Variants in ZNF768 observed in about 807,000 individuals in gnomAD.
ZNF768 encodes zinc finger protein 768.
In ZNF768, 12 loss-of-function variants were observed where a neutral mutation model predicts 39.7. The ratio of observed to expected loss-of-function variants is 0.30; its 90% CI spans 0.19 to 0.49. The LOEUF (loss-of-function observed/expected upper bound fraction) is 0.49, where lower values mean the gene tolerates loss of function less well. Ranked by LOEUF, ZNF768 falls within the 20% of genes least tolerant of loss-of-function variation. The pLI, the probability that ZNF768 is intolerant of heterozygous loss-of-function variation, is 0.99. For synonymous variants in ZNF768, 360 were observed against 288.4 expected (o/e 1.25, Z -2.52); for missense variants, 613 against 723.2 (o/e 0.85, Z 1.75).
chr16:30,524,321 G>T lies in ZNF768; in HGVS notation c.*196C>A. ...TCCATTTCTCCCAGGGCCTCCCGCT[G>T]CCGGCCTGGCCTCCCTCCAACCCAC... On this transcript the variant is annotated 3_prime_UTR_variant, in exon 2 of 2. Coordinates refer to ENST00000380412, the MANE Select transcript of ZNF768 (RefSeq NM_024671.4). 3 of 886,730 alleles carry T rather than the reference G, an allele frequency of 3.4e-6. No homozygotes were observed. Among genetic ancestry groups the T allele is most frequent in the Non-Finnish European group, 4.9e-6 (3 of 616,162 alleles). The allele number at this position is 886,730 out of a possible 1,614,324, so 54.9% of individuals were successfully genotyped here.
In ZNF768 at chr16:30,524,778, G is replaced by A. The variant is rs765080789; in HGVS notation, c.1362C>T (p.Gly454=). The part of the protein sequence containing the change: ...LAIHARTHLP[G]RTYSCPDCGK... The stretch of plus-strand genomic sequence containing the variant: ...CGCAGTCGGGGCAGCTGTAGGTGCG[G>A]CCTGGCAGGTGGGTGCGGGCGTGGA... The change falls in exon 2 of 2, where the codon GGC becomes GGT. Residue 454 remains glycine, a synonymous_variant. Transcript: ENST00000380412. 2.5e-6 allele frequency: 4 copies of A among 1,611,594 alleles called. No homozygotes were observed. The South Asian group carries it at 3.3e-5, about 13-fold the overall frequency.
At chr16:30,529,605 A>G (rs2051353170), upstream of ZNF768, among the ~76,000 whole-genome samples, 1 of 152,238 alleles carries the variant, frequency 6.6e-6, no homozygotes. Context: ...GCCACGGCAC[A>G]GGGCCCTTTG....
At position 30,524,297 on chromosome 16, in the gene ZNF768, C is replaced by T. The variant is rs934385940; in HGVS notation, c.*220G>A. On this transcript the variant is annotated 3_prime_UTR_variant, in exon 2 of 2. Coordinates refer to ENST00000380412, the MANE Select transcript of ZNF768 (RefSeq NM_024671.4). ...AGGCCAGCCCTCCGCTGACCTCTCT[C>T]CATTTCTCCCAGGGCCTCCCGCTGC... 2.4e-5 allele frequency: 18 copies of T among 736,228 alleles called. No individual in the cohort carries two copies. Among genetic ancestry groups the T allele is most frequent in the Admixed American group, 9.9e-5 (3 of 30,446 alleles). 45.6% of individuals were successfully genotyped at this position (736,228 alleles called of 1,614,324 possible).
In ZNF768 at chr16:30,526,041, A is replaced by C; in HGVS notation, c.99T>G (p.Ser33Arg). ...SPEGYLRGNM[S>R]ENEEEEISQQ... ...GAGAAATTTCCTCTTCCTCATTCTC[A>C]CTCATGTTGCCTGCAGGATGAGAGA... is the stretch of plus-strand genomic sequence containing the variant. Residue 33 changes from serine to arginine, a missense_variant, in exon 2 of 2, where the codon AGT becomes AGG. Transcript: ENST00000380412. 1 of 1,491,920 alleles carries C rather than the reference A, an allele frequency of 6.7e-7. No individual in the cohort carries two copies. Among genetic ancestry groups the C allele is most frequent in the Admixed American group, 2.5e-5 (1 of 39,724 alleles). The allele number at this position is 1,491,920 out of a possible 1,614,324, so 92.4% of individuals were successfully genotyped here.
At chr16:30,530,582 T>G (rs2051361030), upstream of ZNF768, 1 of 152,160 alleles carries the variant, frequency 6.6e-6, no homozygotes, top group Admixed American at 6.5e-5. The surrounding 1 kb of genome is among the most constrained non-coding windows in gnomAD (Gnocchi z 4.4). Context: ...GCCCCTGTGA[T>G]AAAGTGACAC....
Position 30,525,783 on chromosome 16 carries a change from A to G in ZNF768, c.357T>C (p.Pro119=), listed in dbSNP as rs770389471. The change falls in exon 2 of 2, where the codon CCT becomes CCC. Residue 119 remains proline, a synonymous_variant. Transcript: ENST00000380412. The stretch of plus-strand genomic sequence containing the variant: ...AGCCAGGGCTTTGGGGTTCATACCT[A>G]GGGCTCTGGGATTCAAACTCAGGGC... ...SQSPEFESQS[P]RYEPQSPGYE... 1 of 1,571,700 alleles carries G rather than the reference A, an allele frequency of 6.4e-7. No homozygotes were observed. The highest frequency in any genetic ancestry group is 2.0e-5 in the Admixed American group (1 of 50,962).
At chr16:30,529,544 GGA>G (rs1219194174), upstream of ZNF768, among the ~76,000 whole-genome samples, 1 of 152,210 alleles carries the variant, frequency 6.6e-6, no homozygotes, top group Admixed American at 6.5e-5. Flanking sequence ...CGATGCTAGA[GGA>G]GATGCCCCAG....
chr16:30,527,265 C>G (rs1371446504), upstream of ZNF768: 3 of 985,968 alleles, frequency 3.0e-6, no homozygotes, highest in Non-Finnish European at 3.6e-6. Context: ...CTCCCCGGCA[C>G]CTGCGCGCGC....
At chr16:30,531,540 C>T (rs961113497), upstream of ZNF768, 1 of 152,276 alleles carries the variant, frequency 6.6e-6, no homozygotes, top group Non-Finnish European at 1.5e-5. Flanking sequence ...GTAATCCCAG[C>T]ACTTTGGGAG....
upstream of ZNF768, chr16:30,526,804 C>A: frequency 1.1e-6 from 1 of 916,814 alleles, no homozygotes; most frequent in Non-Finnish European, 1.3e-6. Context: ...CCCCCCCACC[C>A]TCCCCCGCAC....
upstream of ZNF768, chr16:30,527,062 G>A: frequency 1.0e-6 from 1 of 985,450 alleles, no homozygotes; most frequent in Non-Finnish European, 1.2e-6. Context: ...GGTGCGTGTG[G>A]CCAAGGGCGA....
rs1201800476 is a variant in ZNF768, at chr16:30,524,305, C to T, written c.*212G>A. Reference sequence around the variant, plus strand: ...CCTCCGCTGACCTCTCTCCATTTCTCCCAGGGCCTCCCGCTGCCGGCCTGG... The same window carrying T: ...CCTCCGCTGACCTCTCTCCATTTCTTCCAGGGCCTCCCGCTGCCGGCCTGG... On this transcript the variant is annotated 3_prime_UTR_variant, in exon 2 of 2. Transcript: ENST00000380412. 1 of 790,358 alleles carries T rather than the reference C, an allele frequency of 1.3e-6. No homozygotes were observed. The highest frequency in any genetic ancestry group is 1.9e-6 in the Non-Finnish European group (1 of 524,662). The allele number at this position is 790,358 out of a possible 1,614,324, so 49.0% of individuals were successfully genotyped here. A position where few individuals can be genotyped will look rare whatever the true frequency, so the allele number is the denominator to read the frequency against.
At position 30,524,715 on chromosome 16, in the gene ZNF768, G is replaced by A. The variant is rs1479035769; in HGVS notation, c.1425C>T (p.His475=). 1 of 1,613,208 alleles carries A rather than the reference G, an allele frequency of 6.2e-7. No homozygotes were observed. Among genetic ancestry groups the A allele is most frequent in the Admixed American group, 1.7e-5 (1 of 59,964 alleles). The change falls in exon 2 of 2, where the codon CAC becomes CAT. Residue 475 remains histidine (H), a synonymous_variant. Coordinates refer to ENST00000380412, the MANE Select transcript of ZNF768 (RefSeq NM_024671.4). Reference sequence around the variant, plus strand: ...GCCGCTCGCCCGTGTGGGAGCGCTGGTGCTGGATGAGAGTGGAGGAGCGAT... The same window carrying A: ...GCCGCTCGCCCGTGTGGGAGCGCTGATGCTGGATGAGAGTGGAGGAGCGAT... ...TFNRSSTLIQ[H]QRSHTGERPY... is the part of the protein sequence containing the mutation.
upstream of ZNF768, chr16:30,530,911 G>T (rs1315572995): frequency 6.6e-6 from 1 of 152,322 alleles, no homozygotes; most frequent in African/African-American, 2.4e-5. The surrounding 1 kb of genome is among the most constrained non-coding windows in gnomAD (Gnocchi z 4.4). Flanking sequence ...AAAGGAATTA[G>T]TGGTAGCTGG....
Position 30,526,562 on chromosome 16 carries a change from C to T in ZNF768, c.-149G>A, listed in dbSNP as rs1255942496. 4 of 1,055,774 alleles carry T rather than the reference C, an allele frequency of 3.8e-6. No individual in the cohort carries two copies. The highest frequency in any genetic ancestry group is 4.5e-5 in the South Asian group (1 of 22,190). 65.4% of individuals were successfully genotyped at this position (1,055,774 alleles called of 1,614,324 possible). Reference sequence around the variant, plus strand: ...CCCAGCCCGGGCCCCCGAGGCCGGACGTCTTGACCCCGCGCCTCTCCAGCG... The same window carrying T: ...CCCAGCCCGGGCCCCCGAGGCCGGATGTCTTGACCCCGCGCCTCTCCAGCG... On this transcript the variant is annotated 5_prime_UTR_variant, in exon 1 of 2. Coordinates refer to ENST00000380412, the MANE Select transcript of ZNF768 (RefSeq NM_024671.4).
chr16:30,525,601 G>C lies in ZNF768; in HGVS notation c.539C>G (p.Pro180Arg). ...GATATTCAAAGGACTCTTTTCCTCG[G>C]GGTTCAGAAGCATCTCCGCACCTTC... ...FQEGAEMLLN[P>R]EEKSPLNISV... Residue 180 changes from proline to arginine, a missense_variant, in exon 2 of 2, where the codon CCC becomes CGC. This residue lies in a region of ZNF768 where 347 missense variants were observed against 326.1 expected (regional missense o/e 1.06). Coordinates refer to ENST00000380412, the MANE Select transcript of ZNF768 (RefSeq NM_024671.4). 3 of 1,614,252 alleles carry C rather than the reference G, an allele frequency of 1.9e-6. No homozygotes were observed. The highest frequency in any genetic ancestry group is 2.5e-6 in the Non-Finnish European group (3 of 1,180,048).
At chr16:30,527,368 G>T (rs2051337170), upstream of ZNF768, 1 of 957,140 alleles carries the variant, frequency 1.0e-6, no homozygotes, top group Non-Finnish European at 1.2e-6. Flanking sequence ...TTGCCAAGGA[G>T]ACAGCCCCGC....
At chr16:30,529,405 T>A (rs114119610), upstream of ZNF768, among the ~76,000 whole-genome samples, 5 of 152,224 alleles carry the variant, frequency 3.3e-5, no homozygotes, top group East Asian at 9.6e-4. Flanking sequence ...AGCCAAGGCT[T>A]ATGGTCAGCC....
upstream of ZNF768, among the ~76,000 whole-genome samples, chr16:30,528,913 A>C (rs1198085258): frequency 3.3e-5 from 5 of 152,124 alleles, no homozygotes; most frequent in Non-Finnish European, 7.4e-5. Context: ...CACCCTAAAA[A>C]TGGGTGGCGA....
Sources: allele counts gnomAD v4.1 joint callset (sites outside exome capture counted in the v4.1 genomes callset), GRCh38; gene constraint gnomAD v4.1.1; regional missense constraint gnomAD v4.1.1; non-coding constraint Gnocchi (gnomAD v3.1); transcripts MANE v1.5; gene names NCBI Gene and HGNC (gene_info 2026-07-23, HGNC 2026-07-21).